Variants in DRC10 observed in about 807,000 individuals in gnomAD.
DRC10 encodes the protein IQ domain-containing protein D.
chr12:113,195,534 C>G, the DRC10 span: 14 of 1,533,000 alleles, frequency 9.1e-6, no homozygotes, highest in Middle Eastern at 1.8e-4. Context: ...CTGGCCTGGT[C>G]TCTGGGAAGA....
the DRC10 span, chr12:113,200,672 C>T: frequency 1.3e-6 from 2 of 1,536,206 alleles, no homozygotes; most frequent in Non-Finnish European, 1.7e-6. Flanking sequence ...ATCTTGGCCA[C>T]CCTGGCCTGT....
chr12:113,208,873 G>A, the DRC10 span, among the ~76,000 whole-genome samples: 2 of 152,200 alleles, frequency 1.3e-5, no homozygotes, highest in Admixed American at 6.5e-5. Flanking sequence ...GCAGAATGCA[G>A]TGTAAGACTA....
At chr12:113,216,288 A>G in the DRC10 span, among the ~76,000 whole-genome samples, 1 of 152,250 alleles carries the variant, frequency 6.6e-6, no homozygotes, top group African/African-American at 2.4e-5. Flanking sequence ...GAAGCTGCAT[A>G]TGGTATCACT....
chr12:113,201,699 A>G, the DRC10 span, among the ~76,000 whole-genome samples: 1 of 152,192 alleles, frequency 6.6e-6, no homozygotes. Context: ...TCACTACACT[A>G]GAGTCTCCCT....
the DRC10 span, chr12:113,195,842 C>G: frequency 1.9e-6 from 3 of 1,613,536 alleles, no homozygotes; most frequent in Admixed American, 3.3e-5. Flanking sequence ...GCTCCTCCAG[C>G]GAGATCTTCT....
chr12:113,207,347 T>A, the DRC10 span: 3 of 1,031,302 alleles, frequency 2.9e-6, no homozygotes, highest in Admixed American at 1.8e-5. Flanking sequence ...GACTCCATCT[T>A]AAAAAAAAAA....
the DRC10 span, among the ~76,000 whole-genome samples, chr12:113,218,602 C>T: frequency 6.6e-6 from 1 of 152,088 alleles, no homozygotes; most frequent in Admixed American, 6.5e-5. Context: ...ACCACCATGC[C>T]TGGCTAATTT....
the DRC10 span, chr12:113,197,397 T>C: frequency 3.2e-6 from 2 of 624,478 alleles, no homozygotes; most frequent in South Asian, 3.8e-5. Context: ...GACAAACCCT[T>C]TAAACAAAGG....
chr12:113,214,606 C>T, the DRC10 span, among the ~76,000 whole-genome samples: 1 of 151,628 alleles, frequency 6.6e-6, no homozygotes, highest in South Asian at 2.1e-4. Flanking sequence ...ACAGGCTTGT[C>T]TCCTCACTGG....
the DRC10 span, among the ~76,000 whole-genome samples, chr12:113,205,140 C>A: frequency 6.6e-6 from 1 of 152,018 alleles, no homozygotes; most frequent in Non-Finnish European, 1.5e-5. Flanking sequence ...TTACTGTGAA[C>A]TCCATGAGGC....
chr12:113,205,866 G>A, the DRC10 span, among the ~76,000 whole-genome samples: 4 of 144,358 alleles, frequency 2.8e-5, no homozygotes, highest in South Asian at 2.2e-4. Context: ...TCCGCAGTCC[G>A]GCTTCCGGCC....
the DRC10 span, chr12:113,207,287 G>A: frequency 2.7e-6 from 2 of 736,036 alleles, no homozygotes; most frequent in Admixed American, 2.0e-5. Flanking sequence ...GGCAGAGGTT[G>A]CAGTGAGTCG....
the DRC10 span, among the ~76,000 whole-genome samples, chr12:113,209,593 C>T: frequency 6.6e-6 from 1 of 152,004 alleles, no homozygotes; most frequent in Non-Finnish European, 1.5e-5. Flanking sequence ...ACTATGTTGC[C>T]CAGACTGATC....
At chr12:113,217,961 T>C in the DRC10 span, among the ~76,000 whole-genome samples, 5 of 152,316 alleles carry the variant, frequency 3.3e-5, no homozygotes, top group South Asian at 1.0e-3. Flanking sequence ...CAGAAGACAT[T>C]TGGCAATAAT....
chr12:113,200,615 T>C, the DRC10 span: 1 of 1,489,334 alleles, frequency 6.7e-7, no homozygotes, highest in Non-Finnish European at 9.0e-7. Flanking sequence ...CGGTTCTCCA[T>C]GACCAGGTTG....
the DRC10 span, among the ~76,000 whole-genome samples, chr12:113,198,472 T>C: frequency 6.6e-6 from 1 of 152,168 alleles, no homozygotes; most frequent in Non-Finnish European, 1.5e-5. Context: ...GAAGCACTGA[T>C]CCATGCTACA....
the DRC10 span, chr12:113,200,535 C>A: frequency 8.6e-5 from 108 of 1,249,002 alleles, 1 homozygote; most frequent in South Asian, 8.4e-4. Flanking sequence ...CCCATCCCCC[C>A]CACCAGGGGC....
chr12:113,219,662 C>G, the DRC10 span, among the ~76,000 whole-genome samples: 1 of 151,776 alleles, frequency 6.6e-6, no homozygotes, highest in African/African-American at 2.4e-5. Context: ...TTTTGAACCT[C>G]AAAGTTTTTT....
At chr12:113,213,088 T>TA in the DRC10 span, among the ~76,000 whole-genome samples, 1 of 150,640 alleles carries the variant, frequency 6.6e-6, no homozygotes, top group East Asian at 1.9e-4. Context: ...AAATTATATA[T>TA]TTTTTCCCCC....
Sources: allele counts gnomAD v4.1 joint callset (sites outside exome capture counted in the v4.1 genomes callset), GRCh38; gene constraint gnomAD v4.1.1; transcripts MANE v1.5; gene names NCBI Gene and HGNC (gene_info 2026-07-23, HGNC 2026-07-21).